The following HMCN2 variants were observed in gnomAD, a reference collection of about 807,000 sequenced individuals.
The protein encoded by HMCN2 is hemicentin-2.
Under a neutral mutation model 377.5 loss-of-function variants are expected in HMCN2, and 325 were observed. The observed-to-expected ratio is 0.86, with a 90% confidence interval of 0.79 to 0.94. The LOEUF (loss-of-function observed/expected upper bound fraction) is 0.94. HMCN2 is among the 40% of genes least tolerant of loss of function. HMCN2 has a pLI of 0.00. For missense variants in HMCN2, 4,543 were observed against 4,725.3 expected (o/e 0.96, Z 1.13); for synonymous variants, 2,007 against 2,046.8 (o/e 0.98, Z 0.53).
intron 25 of HMCN2, among the ~76,000 whole-genome samples, chr9:130,343,263 G>A (rs923364605): frequency 9.2e-5 from 14 of 152,316 alleles, no homozygotes; most frequent in Non-Finnish European, 1.6e-4. Context: ...CCCCTCTGTG[G>A]GGCTGAGGTT....
chr9:130,416,436 C>T (rs183270092), intron 85 of HMCN2, among the ~76,000 whole-genome samples: 4 of 152,046 alleles, frequency 2.6e-5, no homozygotes, highest in East Asian at 1.9e-4. Context: ...TCACCCCACA[C>T]GTGCTCTTGC....
At position 130,348,598 on chromosome 9, in the gene HMCN2, G is replaced by C. The variant is rs767221414; in HGVS notation, c.4078G>C (p.Gly1360Arg). The change falls in exon 27 of 98, where the codon GGG (glycine) becomes CGG (arginine). Residue 1360 changes from glycine (G) to arginine (R), a missense_variant. By Grantham distance (125) the Gly-to-Arg change is moderately radical. Around this residue, in one of 5 missense-constraint regions of HMCN2, gnomAD observed 1,032 missense variants for 1,285.1 expected, o/e 0.80. Transcript: ENST00000683500. ...CAAGGCCAACGTGTCGGGTATGGCC[G>C]GGCAGTCCCTGACGCTGGAGTGTGA... ...GRKANVSGMA[G>R]QSLTLECDAN... is the part of the protein sequence containing the mutation. 7.7e-7 allele frequency: 1 copy of C among 1,304,304 alleles called. No homozygotes were observed. Among genetic ancestry groups the C allele is most frequent in the Non-Finnish European group, 1.0e-6 (1 of 988,956 alleles). 80.8% of individuals were successfully genotyped at this position (1,304,304 alleles called of 1,614,324 possible).
chr9:130,401,480 T>C (rs1200554195), intron 77 of HMCN2, among the ~76,000 whole-genome samples: 1 of 152,080 alleles, frequency 6.6e-6, no homozygotes, highest in Non-Finnish European at 1.5e-5. Flanking sequence ...CCTGCCATCA[T>C]GTAGGCATGA....
Position 130,391,353 on chromosome 9 carries a change from C to G in HMCN2, c.9817C>G (p.Pro3273Ala). The G allele has an allele frequency of 2.0e-6, 2 of 987,678 alleles. No homozygotes were observed. The highest frequency in any genetic ancestry group is 2.4e-6 in the Non-Finnish European group (2 of 830,130). 61.2% of individuals were successfully genotyped at this position (987,678 alleles called of 1,614,324 possible). A position where few individuals can be genotyped will look rare whatever the true frequency, so the allele number is the denominator to read the frequency against. Residue 3273 changes from proline to alanine, a missense_variant, in exon 64 of 98, where the codon CCC becomes GCC. Coordinates refer to ENST00000683500, the MANE Select transcript of HMCN2 (RefSeq NM_001291815.2). ...DGSPLGQDMG[P>A]HLRFYLDGGS... ...CAGCCCGCTGGGCCAGGACATGGGC[C>G]CCCACCTCCGGTAAGACTTGGCCCA...
chr9:130,295,445 A>G (rs897986238), intron 5 of HMCN2, among the ~76,000 whole-genome samples: 2 of 152,014 alleles, frequency 1.3e-5, no homozygotes, highest in Admixed American at 1.3e-4. Context: ...TGAGGATGTC[A>G]TGAGCACCCA....
chr9:130,327,668 G>A (rs1838213409), intron 22 of HMCN2, among the ~76,000 whole-genome samples, 193 bp downstream of exon 22: 1 of 152,208 alleles, frequency 6.6e-6, no homozygotes, highest in South Asian at 2.1e-4. Flanking sequence ...AGGGTGCCTG[G>A]AAGCCCAGGG....
Position 130,432,490 on chromosome 9 carries a change from C to T in HMCN2, c.14829C>T (p.Thr4943=). 6.4e-7 allele frequency: 1 copy of T among 1,550,706 alleles called. No homozygotes were observed. Among genetic ancestry groups the T allele is most frequent in the Non-Finnish European group, 8.7e-7 (1 of 1,146,976 alleles). ...GACCCGGCCAGATGTGCTTCAACAC[C>T]CGTGGCAGCTACCAGTGTGTGGACA... ...ECGPGQMCFN[T]RGSYQCVDTP... is the part of the protein sequence containing the mutation. Residue 4943 remains threonine, a synonymous_variant, in exon 97 of 98, where the codon ACC becomes ACT. Coordinates refer to ENST00000683500, the MANE Select transcript of HMCN2 (RefSeq NM_001291815.2).
rs1839593828 is a variant in HMCN2, at chr9:130,349,671, C to G, written c.4430+8C>G. The G allele has an allele frequency of 7.7e-7, 1 of 1,299,394 alleles. No individual in the cohort carries two copies. The highest frequency in any genetic ancestry group is 2.3e-5 in the Admixed American group (1 of 43,198). The allele number at this position is 1,299,394 out of a possible 1,614,324, so 80.5% of individuals were successfully genotyped here. A position where few individuals can be genotyped will look rare whatever the true frequency, so the allele number is the denominator to read the frequency against. ...GTGGACCAAGGACAGGCAGTGAGTG[C>G]CCCCCTCCCCGAGGATGGCGTGTGG... On this transcript the variant is annotated splice_region_variant and intron_variant, in intron 29 of 97. Coordinates refer to ENST00000683500, the MANE Select transcript of HMCN2 (RefSeq NM_001291815.2).
Position 130,304,122 on chromosome 9 carries a change from A to T in HMCN2, c.1543+514A>T, listed in dbSNP as rs1836701295. Reference sequence around the variant, plus strand: ...GCCAGAAACTACACATGCTCTTTGTAGGAAAGCTGGAAAAATATAAACAAC... The same window carrying T: ...GCCAGAAACTACACATGCTCTTTGTTGGAAAGCTGGAAAAATATAAACAAC... On this transcript the variant is annotated intron_variant, in intron 10 of 97. Transcript: ENST00000683500. The surrounding 1 kb of genome is among the most constrained non-coding windows in gnomAD (Gnocchi z 4.3). Among the ~76,000 whole-genome samples the T allele has an allele frequency of 6.6e-6, 1 of 152,254 alleles. No individual in the cohort carries two copies. Among genetic ancestry groups the T allele is most frequent in the Admixed American group, 6.5e-5 (1 of 15,286 alleles).
At position 130,351,996 on chromosome 9, in the gene HMCN2, G is replaced by C. The variant is rs1839752244; in HGVS notation, c.4585+419G>C. 6.6e-6 allele frequency among the ~76,000 whole-genome samples: 1 copy of C among 152,072 alleles called. No homozygotes were observed. Among genetic ancestry groups the C allele is most frequent in the African/African-American group, 2.4e-5 (1 of 41,402 alleles). On this transcript the variant is annotated intron_variant, in intron 30 of 97. Transcript: ENST00000683500. This position sits in a 1 kb window ranked among gnomAD's most constrained non-coding sequence, Gnocchi z 5.4. ...CCAGTTCATTTTTGTATTTTTAGTA[G>C]AGGTGGGGTTTCACCATGTTGGCCA...
rs369643123 is a variant in HMCN2 at position 130,395,266 on chromosome 9, A to G, written c.10830A>G (p.Pro3610=). ...CCCGCTTTGTGGTCGGCCTGGCCCCAGGGCAGCTGGTCCTGGAGTGTTCGG... is the reference window on the plus strand; with the variant it reads ...CCCGCTTTGTGGTCGGCCTGGCCCCGGGGCAGCTGGTCCTGGAGTGTTCGG... ...RGPRFVVGLA[P]GQLVLECSVE... is the part of the protein sequence containing the mutation. Residue 3610 remains proline (P), a synonymous_variant, in exon 71 of 98, where the codon CCA becomes CCG. Transcript: ENST00000683500. The G allele has an allele frequency of 1.6e-6, 2 of 1,289,346 alleles. No homozygotes were observed. Among genetic ancestry groups the G allele is most frequent in the East Asian group, 1.1e-4 (2 of 17,972 alleles). The allele number at this position is 1,289,346 out of a possible 1,614,324, so 79.9% of individuals were successfully genotyped here. A position where few individuals can be genotyped will look rare whatever the true frequency, so the allele number is the denominator to read the frequency against.
At chr9:130,336,680 G>A (rs1838765672) in intron 22 of HMCN2, among the ~76,000 whole-genome samples, 1 of 152,272 alleles carries the variant, frequency 6.6e-6, no homozygotes, top group South Asian at 2.1e-4. Context: ...GGATGCTCGG[G>A]ACAAAAGGAT....
intron 15 of HMCN2, among the ~76,000 whole-genome samples, chr9:130,319,063 C>A (rs999419474): frequency 7.7e-4 from 118 of 152,306 alleles, no homozygotes; most frequent in African/African-American, 2.7e-3. Flanking sequence ...AAGAGAAAGC[C>A]TCTCTGGCCC....
rs1052004635 is a variant in HMCN2, at chr9:130,379,714, C to T, written c.8431+247C>T. Among the ~76,000 whole-genome samples the T allele has an allele frequency of 4.6e-5, 7 of 152,312 alleles. No individual in the cohort carries two copies. In the South Asian group the frequency reaches 1.2e-3, roughly 27 times the overall value. On this transcript the variant is annotated intron_variant, in intron 54 of 97. Transcript: ENST00000683500. ...AAGATCTGTAATGTCCTTAAATGAT[C>T]GGCAGAAGCTGCCACTTTCTCTGCA...
In HMCN2 at chr9:130,425,906, G is replaced by T. The variant is rs759325422; in HGVS notation, c.13861G>T (p.Ala4621Ser). The part of the protein sequence containing the change: ...PEAEALRFQL[A>S]TALQAEENEV... ...GGCCGAGGCCCTGCGCTTCCAGCTC[G>T]CTACAGCCCTGCAGGCGGGTGAGGC... The change falls in exon 90 of 98, where the codon GCT becomes TCT. Residue 4621 changes from alanine (A) to serine (S), a missense_variant. Around this residue, in one of 5 missense-constraint regions of HMCN2, gnomAD observed 1,155 missense variants for 1,157.7 expected, o/e 1.00. Coordinates refer to ENST00000683500, the MANE Select transcript of HMCN2 (RefSeq NM_001291815.2). 8 of 1,548,648 alleles carry T rather than the reference G, an allele frequency of 5.2e-6. No individual in the cohort carries two copies. The highest frequency in any genetic ancestry group is 2.0e-5 in the Admixed American group (1 of 50,968).
rs370769392 is a variant in HMCN2, at chr9:130,349,598, C to A, written c.4365C>A (p.Asp1455Glu). ...AGGTGCTAGGATTGGCCGGTGCAGA[C>A]GTGGAGCTGCAGTGTTGGACCTCAG... ...AQEVLGLAGA[D>E]VELQCWTSGV... Residue 1455 changes from aspartate (D) to glutamate (E), a missense_variant, in exon 29 of 98, where the codon GAC (aspartate) becomes GAA (glutamate). Asp to Glu is a conservative substitution (Grantham distance 45). This residue lies in a region of HMCN2 where 1,032 missense variants were observed against 1,285.1 expected (regional missense o/e 0.80). Coordinates refer to ENST00000683500, the MANE Select transcript of HMCN2 (RefSeq NM_001291815.2). The A allele has an allele frequency of 7.7e-7, 1 of 1,304,080 alleles. No homozygotes were observed. Among genetic ancestry groups the A allele is most frequent in the Non-Finnish European group, 1.0e-6 (1 of 988,884 alleles). 80.8% of individuals were successfully genotyped at this position (1,304,080 alleles called of 1,614,324 possible).
chr9:130,334,551 T>TG (rs1838609142), intron 22 of HMCN2, among the ~76,000 whole-genome samples: 1 of 108,454 alleles, frequency 9.2e-6, no homozygotes, highest in East Asian at 2.2e-4. Context: ...TTTTGGAAGT[T>TG]TTTTTTTTTT....
Position 130,286,226 on chromosome 9 carries a change from C to G in HMCN2, c.528C>G (p.Thr176=). ...FVLTGDCGDR[T]HPGYLAYEEI... is the part of the protein sequence containing the mutation. Reference sequence around the variant, plus strand: ...TGACGGGGGACTGTGGCGACCGCACCCATCCTGGCTACCTGGCTTATGAGG... The same window carrying G: ...TGACGGGGGACTGTGGCGACCGCACGCATCCTGGCTACCTGGCTTATGAGG... Residue 176 remains threonine (T), a synonymous_variant, in exon 4 of 98, where the codon ACC becomes ACG. Coordinates refer to ENST00000683500, the MANE Select transcript of HMCN2 (RefSeq NM_001291815.2). 1 of 471,036 alleles carries G rather than the reference C, an allele frequency of 2.1e-6. No homozygotes were observed. Among genetic ancestry groups the G allele is most frequent in the Non-Finnish European group, 4.4e-6 (1 of 227,048 alleles). 29.2% of individuals were successfully genotyped at this position (471,036 alleles called of 1,614,324 possible).
chr9:130,381,467 T>TAA (rs995364078), intron 54 of HMCN2, among the ~76,000 whole-genome samples: 6 of 152,076 alleles, frequency 3.9e-5, no homozygotes, highest in Non-Finnish European at 8.8e-5. Flanking sequence ...CTCCTGGGTT[T>TAA]AAGTGATTCT....
Sources: gnomAD v4.1 joint callset for allele counts (sites outside exome capture counted in the v4.1 genomes callset) on GRCh38, gnomAD v4.1.1 for gene constraint, gnomAD v4.1.1 regional missense constraint, Gnocchi (gnomAD v3.1) non-coding constraint, MANE v1.5 for transcripts, NCBI Gene and HGNC (gene_info 2026-07-23, HGNC 2026-07-21) for gene names.